The following COX7B2 variants were observed in gnomAD, a reference collection of about 807,000 sequenced individuals.
COX7B2 encodes cytochrome c oxidase subunit 7B2, mitochondrial.
For synonymous variants in COX7B2, 37 were observed against 32.1 expected, an observed-to-expected ratio of 1.15 and a Z score of -0.51; for missense variants, 109 against 95.9, an observed-to-expected ratio of 1.14 and a Z score of -0.57.
chr4:46,797,119 A>C, intron 2 of COX7B2, among the ~76,000 whole-genome samples: 1 of 143,044 alleles, frequency 7.0e-6, no homozygotes, highest in Admixed American at 7.0e-5. Context: ...AAAAAAAAAA[A>C]AAAAAGGAGA....
chr4:46,747,718 CCTT>C (rs573485746), intron 2 of COX7B2, among the ~76,000 whole-genome samples: 60 of 152,242 alleles, frequency 3.9e-4, no homozygotes, highest in African/African-American at 1.4e-3. Flanking sequence ...AAGAGAATCT[CCTT>C]TAATGTCAAA....
intron 2 of COX7B2, among the ~76,000 whole-genome samples, chr4:46,831,468 G>A (rs1229568610): frequency 1.3e-5 from 2 of 152,222 alleles, no homozygotes; most frequent in Admixed American, 1.3e-4. Flanking sequence ...AGCTCCACCT[G>A]TGGCCCCAGT....
At chr4:46,848,161 A>C (rs1049725437) in intron 1 of COX7B2, among the ~76,000 whole-genome samples, 3 of 152,080 alleles carry the variant, frequency 2.0e-5, no homozygotes, top group Admixed American at 1.3e-4. Flanking sequence ...AGACCCAATT[A>C]GTGTCAGAGC....
chr4:46,798,740 T>G (rs1718489873), intron 2 of COX7B2, among the ~76,000 whole-genome samples: 1 of 152,108 alleles, frequency 6.6e-6, no homozygotes, highest in African/African-American at 2.4e-5. Context: ...AGCCATAAAG[T>G]TGGCATGTAT....
At chr4:46,849,570 T>TA (rs1459489820) in intron 1 of COX7B2, among the ~76,000 whole-genome samples, 1 of 152,010 alleles carries the variant, frequency 6.6e-6, no homozygotes, top group Non-Finnish European at 1.5e-5. Context: ...AAAATGGAAA[T>TA]AGAGACTTAG....
intron 2 of COX7B2, among the ~76,000 whole-genome samples, chr4:46,754,718 G>GTATATATATATATATATA (rs1235318797): frequency 4.3e-4 from 15 of 35,022 alleles, no homozygotes; most frequent in East Asian, 3.7e-3. Context: ...GTGTGTGTGT[G>GTATATATATATATATATA]TGTGTGTGTG....
intron 2 of COX7B2, among the ~76,000 whole-genome samples, chr4:46,824,374 A>C (rs1403089617): frequency 6.6e-6 from 1 of 152,130 alleles, no homozygotes; most frequent in Non-Finnish European, 1.5e-5. Context: ...TTTGGAAGAA[A>C]TCCTTGCAAG....
Position 46,759,146 on chromosome 4 carries a change from G to C in COX7B2, c.-49-23905C>G, listed in dbSNP as rs116933230. Among the ~76,000 whole-genome samples the C allele has an allele frequency of 6.2e-4, 95 of 152,142 alleles. 1 individual carries two copies. The East Asian group carries it at 0.015, about 24-fold the overall frequency. Reference sequence around the variant, plus strand: ...TCTGGAAAGATATACTTCTATCCCAGATCTCAGAGAAATTCCAAAATTAAA... The same window carrying C: ...TCTGGAAAGATATACTTCTATCCCACATCTCAGAGAAATTCCAAAATTAAA... On this transcript the variant is annotated intron_variant, in intron 2 of 2. Transcript: ENST00000355591.
intron 2 of COX7B2, among the ~76,000 whole-genome samples, chr4:46,754,724 G>GTATATA (rs776374967): frequency 0.019 from 894 of 46,754 alleles, 25 homozygotes; most frequent in South Asian, 0.037. Flanking sequence ...GTGTGTGTGT[G>GTATATA]TGTGTATATA....
At chr4:46,903,359 C>T (rs989084415) in intron 1 of COX7B2, among the ~76,000 whole-genome samples, 1 of 152,090 alleles carries the variant, frequency 6.6e-6, no homozygotes, top group Non-Finnish European at 1.5e-5. Context: ...AACAACATTT[C>T]GGTCAATGAT....
intron 1 of COX7B2, among the ~76,000 whole-genome samples, chr4:46,899,522 C>T (rs569775934): frequency 5.9e-5 from 9 of 151,516 alleles, no homozygotes; most frequent in East Asian, 3.9e-4. Flanking sequence ...TTGGAGGGTG[C>T]GTGTGTGTGT....
At chr4:46,753,502 C>A (rs930534823) in intron 2 of COX7B2, among the ~76,000 whole-genome samples, 1 of 151,518 alleles carries the variant, frequency 6.6e-6, no homozygotes, top group Non-Finnish European at 1.5e-5. Context: ...GGAAAACTGG[C>A]TAGCCATATG....
intron 2 of COX7B2, among the ~76,000 whole-genome samples, chr4:46,821,606 T>G (rs1714291423): frequency 1.3e-5 from 2 of 152,210 alleles, no homozygotes; most frequent in African/African-American, 4.8e-5. Flanking sequence ...AATGTGGCTA[T>G]TAATACCTAT....
chr4:46,840,992 A>C (rs1041166709), intron 2 of COX7B2, among the ~76,000 whole-genome samples: 3 of 152,074 alleles, frequency 2.0e-5, no homozygotes, highest in African/African-American at 7.2e-5. Flanking sequence ...GGAGGCAAAG[A>C]AAGCAAAAAG....
intron 1 of COX7B2, among the ~76,000 whole-genome samples, chr4:46,856,455 T>G (rs183521443): frequency 1.3e-5 from 2 of 152,160 alleles, no homozygotes; most frequent in Admixed American, 1.3e-4. Flanking sequence ...ATTCAGATTA[T>G]TTTACATGGA....
chr4:46,767,452 A>T (rs1009612281), intron 2 of COX7B2, among the ~76,000 whole-genome samples: 9 of 152,238 alleles, frequency 5.9e-5, no homozygotes, highest in Admixed American at 4.6e-4. Context: ...TCATCCAAAC[A>T]TAAAACATCA....
chr4:46,775,873 C>A (rs1028618020), intron 2 of COX7B2, among the ~76,000 whole-genome samples: 3 of 152,058 alleles, frequency 2.0e-5, no homozygotes, highest in Admixed American at 6.6e-5. Context: ...TTCAAAGAGG[C>A]CTGATGTCAG....
At chr4:46,746,892 G>A (rs1349843436) in intron 2 of COX7B2, among the ~76,000 whole-genome samples, 1 of 152,066 alleles carries the variant, frequency 6.6e-6, no homozygotes, top group African/African-American at 2.4e-5. Context: ...ACTAAACACA[G>A]GAATTACCAT....
intron 2 of COX7B2, among the ~76,000 whole-genome samples, chr4:46,752,497 A>G (rs974983075): frequency 1.3e-5 from 2 of 152,218 alleles, no homozygotes; most frequent in Admixed American, 1.3e-4. Flanking sequence ...GTCTTGTGCC[A>G]ATTTTCAAGC....
Sources: allele counts gnomAD v4.1 joint callset (sites outside exome capture counted in the v4.1 genomes callset), GRCh38; gene constraint gnomAD v4.1.1; transcripts MANE v1.5; gene names NCBI Gene and HGNC (gene_info 2026-07-23, HGNC 2026-07-21).